Variants in DENND4A observed in about 807,000 individuals in gnomAD.
DENND4A encodes DENN domain containing 4A.
Under a neutral mutation model 199.3 loss-of-function variants are expected in DENND4A, and 70 were observed. The ratio of observed to expected loss-of-function variants is 0.35; its 90% CI spans 0.29 to 0.43. The LOEUF is 0.43. DENND4A is among the 20% of genes least tolerant of loss of function. The pLI is 1.00. For synonymous variants in DENND4A, 686 were observed against 766.9 expected (o/e 0.89, Z 1.74); for missense variants, 1,723 against 2,255.8 (o/e 0.76, Z 4.78).
chr15:65,685,553 C>T (rs6494533), intron 23 of DENND4A, among the ~76,000 whole-genome samples: 51,396 of 152,180 alleles, frequency 0.34, 10,804 homozygotes, highest in African/African-American at 0.6. Context: ...GGTATTTGCA[C>T]ATAACCTATG....
chr15:65,717,753 G>A, intron 13 of DENND4A, 25 bp downstream of exon 13: 2 of 1,543,218 alleles, frequency 1.3e-6, no homozygotes, highest in Non-Finnish European at 1.8e-6. Flanking sequence ...TAACCTGAAA[G>A]CTTTAAAACT....
At position 65,690,479 on chromosome 15, in the gene DENND4A, T is replaced by C; in HGVS notation, c.4115A>G (p.Lys1372Arg). 1 of 1,610,098 alleles carries C rather than the reference T, an allele frequency of 6.2e-7. No individual in the cohort carries two copies. Among genetic ancestry groups the C allele is most frequent in the South Asian group, 1.1e-5 (1 of 90,258 alleles). Residue 1372 changes from lysine to arginine, a missense_variant, in exon 23 of 33, where the codon AAA becomes AGA. By Grantham distance (26) the Lys-to-Arg change is conservative (BLOSUM62 2). This residue lies in a region of DENND4A where 650 missense variants were observed against 738.1 expected (regional missense o/e 0.88). Coordinates refer to ENST00000443035, the MANE Select transcript of DENND4A (RefSeq NM_001320835.1). ...TTTGCTTGCTTTCTCTGCAACTCCT[T>C]TTCCAGCAGTGAACATACTGTTTCT... ...VLRNSMFTAGKGVAEKASKWY... is the reference protein window; with the variant it reads ...VLRNSMFTAGRGVAEKASKWY...
intron 12 of DENND4A, among the ~76,000 whole-genome samples, chr15:65,722,273 A>G (rs2075670713): frequency 6.6e-6 from 1 of 152,162 alleles, no homozygotes. Context: ...GCTTGAGCCC[A>G]GGACAACATG....
chr15:65,774,122 G>A (rs1040271907), intron 1 of DENND4A, among the ~76,000 whole-genome samples: 3 of 151,608 alleles, frequency 2.0e-5, no homozygotes, highest in Admixed American at 2.0e-4. Context: ...TTTGGAGGCC[G>A]AGGTTGGTGG....
chr15:65,701,303 A>AT, intron 18 of DENND4A, 111 bp from the exon 19 acceptor site: 1 of 919,438 alleles, frequency 1.1e-6, no homozygotes, highest in South Asian at 2.2e-5. Flanking sequence ...GTGGTGGCTC[A>AT]TGCCTGTAAT....
intron 1 of DENND4A, among the ~76,000 whole-genome samples, chr15:65,778,527 T>C (rs1162592135): frequency 2.0e-5 from 3 of 150,930 alleles, no homozygotes; most frequent in African/African-American, 7.3e-5. Context: ...ACAGGTTAGG[T>C]TCCACATCAC....
At chr15:65,769,542 G>A (rs993827180) in intron 1 of DENND4A, among the ~76,000 whole-genome samples, 1 of 151,986 alleles carries the variant, frequency 6.6e-6, no homozygotes. Flanking sequence ...CATGGCTTGG[G>A]TATTTTAAAA....
intron 1 of DENND4A, among the ~76,000 whole-genome samples, chr15:65,779,771 T>C (rs1033308452): frequency 3.9e-5 from 6 of 152,226 alleles, no homozygotes; most frequent in Admixed American, 3.3e-4. Context: ...TGCCTCAGTC[T>C]GCCAAGTAGC....
chr15:65,791,244 A>T (rs1405163833), intron 1 of DENND4A, among the ~76,000 whole-genome samples: 1 of 152,214 alleles, frequency 6.6e-6, no homozygotes, highest in African/African-American at 2.4e-5. Flanking sequence ...CTACGGTTCT[A>T]GGCGTAACCA....
chr15:65,751,034 A>G (rs1486649274), intron 4 of DENND4A, among the ~76,000 whole-genome samples: 1 of 152,212 alleles, frequency 6.6e-6, no homozygotes. Flanking sequence ...AAGGGTTAAA[A>G]AAAAGAGATG....
intron 1 of DENND4A, among the ~76,000 whole-genome samples, chr15:65,769,289 A>G (rs55742391): frequency 0.027 from 4,045 of 152,114 alleles, 80 homozygotes; most frequent in Non-Finnish European, 0.042. Flanking sequence ...GTAAGACCTT[A>G]TATTTGGTGA....
intron 22 of DENND4A, among the ~76,000 whole-genome samples, chr15:65,692,940 A>G (rs985924553): frequency 6.6e-5 from 10 of 152,206 alleles, no homozygotes; most frequent in Admixed American, 3.3e-4. Flanking sequence ...ATCTAGCCTG[A>G]GGCCTGTTTT....
chr15:65,710,661 C>A (rs1314240785), intron 14 of DENND4A, among the ~76,000 whole-genome samples: 1 of 152,058 alleles, frequency 6.6e-6, no homozygotes, highest in African/African-American at 2.4e-5. Context: ...CTATTTATTG[C>A]CAATATTTAA....
intron 14 of DENND4A, among the ~76,000 whole-genome samples, chr15:65,708,397 T>C (rs546932990): frequency 2.6e-5 from 4 of 152,174 alleles, no homozygotes; most frequent in East Asian, 1.9e-4. Context: ...TCTAGCCATA[T>C]TGTTCTCATA....
chr15:65,707,719 C>T (rs1398585281), intron 14 of DENND4A, among the ~76,000 whole-genome samples: 3 of 150,192 alleles, frequency 2.0e-5, no homozygotes, highest in East Asian at 1.9e-4. Flanking sequence ...CAGAGTCTTG[C>T]TCTGTCACCT....
chr15:65,695,521 C>T (rs963712370), intron 22 of DENND4A, among the ~76,000 whole-genome samples: 2 of 152,144 alleles, frequency 1.3e-5, no homozygotes, highest in Non-Finnish European at 1.5e-5. Flanking sequence ...CCTTAGTTTG[C>T]CTTTCCCTGA....
intron 23 of DENND4A, among the ~76,000 whole-genome samples, chr15:65,682,132 C>G (rs1258406627): frequency 6.6e-6 from 1 of 152,110 alleles, no homozygotes; most frequent in African/African-American, 2.4e-5. Flanking sequence ...TACACTACCC[C>G]CTAACAAGAG....
chr15:65,673,084 T>C (rs2076267209), intron 24 of DENND4A, among the ~76,000 whole-genome samples: 1 of 151,846 alleles, frequency 6.6e-6, no homozygotes, highest in Non-Finnish European at 1.5e-5. Context: ...ATGGTCTCGA[T>C]CTCTTGACCC....
At chr15:65,674,579 C>A (rs2076315074) in intron 24 of DENND4A, among the ~76,000 whole-genome samples, 1 of 151,924 alleles carries the variant, frequency 6.6e-6, no homozygotes, top group African/African-American at 2.4e-5. Context: ...CCTGTGAGAT[C>A]CCATCTCTAC....
Sources: gnomAD v4.1 joint callset for allele counts (sites outside exome capture counted in the v4.1 genomes callset) on GRCh38, gnomAD v4.1.1 for gene constraint, gnomAD v4.1.1 regional missense constraint, MANE v1.5 for transcripts, NCBI Gene and HGNC (gene_info 2026-07-23, HGNC 2026-07-21) for gene names.